APOH: variants seen among roughly 807,000 people sequenced by gnomAD.
The protein encoded by APOH is beta-2-glycoprotein 1.
APOH carries 48 observed loss-of-function variants against 39.8 expected under a neutral mutation model. That is an observed-to-expected ratio of 1.21 (90% CI 0.96 to 1.54). APOH has a LOEUF of 1.54. Ranked by LOEUF, APOH falls within the 40% of genes most tolerant of loss-of-function variation. The pLI is 0.00. For synonymous variants in APOH, 153 were observed against 151.1 expected, an observed-to-expected ratio of 1.01 and a Z score of -0.09; for missense variants, 415 against 421.2, an observed-to-expected ratio of 0.99 and a Z score of 0.13.
At chr17:66,220,376 G>T (rs2073389875) in intron 5 of APOH, among the ~76,000 whole-genome samples, 178 bp downstream of exon 5, 1 of 152,204 alleles carries the variant, frequency 6.6e-6, no homozygotes, top group Non-Finnish European at 1.5e-5. Context: ...TCAGAAGCCA[G>T]GTCTCATTCA....
chr17:66,219,198 T>A (rs1312160242), intron 5 of APOH, among the ~76,000 whole-genome samples: 1 of 152,060 alleles, frequency 6.6e-6, no homozygotes, highest in Non-Finnish European at 1.5e-5. Context: ...ATTAGAATGG[T>A]TTGGATTATT....
intron 3 of APOH, among the ~76,000 whole-genome samples, chr17:66,225,816 G>A (rs1002706184): frequency 7.9e-5 from 12 of 151,774 alleles, no homozygotes; most frequent in South Asian, 6.2e-4. Flanking sequence ...GGTGGAGCTT[G>A]CAGTGAGCCG....
chr17:66,226,094 T>C lies in APOH; in HGVS notation c.272A>G (p.Glu91Gly), dbSNP rs12544. ...AGTCGTATAGCGTACGGCTCCATTT[T>C]CTAAGATTCCAGCAAAAGGACATAC... ...PRVCPFAGILENGAVRYTTFE... is the reference protein window; with the variant it reads ...PRVCPFAGILGNGAVRYTTFE... Residue 91 changes from glutamate (E) to glycine (G), a missense_variant, in exon 3 of 8, where the codon GAA (glutamate) becomes GGA (glycine). Glu to Gly is a moderately conservative substitution (Grantham distance 98). Around this residue, in one of 3 missense-constraint regions of APOH, gnomAD observed 288 missense variants for 284.9 expected, o/e 1.01. Transcript: ENST00000205948. The C allele has an allele frequency of 2.1e-4, 338 of 1,613,496 alleles. 3 individuals carry two copies. In the East Asian group the frequency reaches 7.3e-3, roughly 35 times the overall value.
chr17:66,220,737 T>C lies in APOH; in HGVS notation c.421A>G (p.Ile141Val). 1.9e-6 allele frequency: 3 copies of C among 1,604,786 alleles called. No homozygotes were observed. Among genetic ancestry groups the C allele is most frequent in the Non-Finnish European group, 2.6e-6 (3 of 1,172,828 alleles). ...SPELPVCAPI[I>V]CPPPSIPTFA... ...GTAGGTATGGATGGTGGAGGGCAGATGATGGCTGGGAAAATAAAGAACTAT... is the reference window on the plus strand; with the variant it reads ...GTAGGTATGGATGGTGGAGGGCAGACGATGGCTGGGAAAATAAAGAACTAT... Residue 141 changes from isoleucine to valine, a missense_variant, in exon 5 of 8, where the codon ATC (isoleucine) becomes GTC (valine). Physicochemically the swap from Ile to Val is conservative, Grantham distance 29 (BLOSUM62 3). Around this residue, in one of 3 missense-constraint regions of APOH, gnomAD observed 288 missense variants for 284.9 expected, o/e 1.01. Coordinates refer to ENST00000205948, the MANE Select transcript of APOH (RefSeq NM_000042.3).
chr17:66,213,291 G>C lies in APOH; in HGVS notation c.983-1103C>G, dbSNP rs117281137. Reference sequence around the variant, plus strand: ...AACCCTAAATCTGAAACCTTAAAAGGTTAGCAGCTCTAAACGCTGGCCATT... The same window carrying C: ...AACCCTAAATCTGAAACCTTAAAAGCTTAGCAGCTCTAAACGCTGGCCATT... On this transcript the variant is annotated intron_variant, in intron 7 of 7. Transcript: ENST00000205948. Among the ~76,000 whole-genome samples, 14 of 152,342 alleles carry C rather than the reference G, an allele frequency of 9.2e-5. No individual in the cohort carries two copies. The East Asian group carries it at 1.5e-3, about 17-fold the overall frequency.
intron 4 of APOH, 75 bp from the exon 5 acceptor site, chr17:66,220,817 A>G (rs1598551713): frequency 1.4e-6 from 2 of 1,397,332 alleles, no homozygotes; most frequent in Non-Finnish European, 1.9e-6. Context: ...GAAAGAAAAA[A>G]AAAACCCTAA....
At chr17:66,225,808 T>C (rs1235048779) in intron 3 of APOH, among the ~76,000 whole-genome samples, 1 of 148,814 alleles carries the variant, frequency 6.7e-6, no homozygotes, top group African/African-American at 2.5e-5. Flanking sequence ...ACCCAGGAGG[T>C]GGAGCTTGCA....
chr17:66,224,691 GGGAAAGGAAAGGAAA>G (rs71160544), intron 3 of APOH, among the ~76,000 whole-genome samples: 20 of 32,890 alleles, frequency 6.1e-4, no homozygotes, highest in South Asian at 2.3e-3. Flanking sequence ...GGGAAGGGAA[GGGAAAGGAAAGGAAA>G]GGAAAGGAAA....
chr17:66,225,668 T>C (rs1330690326), intron 3 of APOH, among the ~76,000 whole-genome samples: 2 of 152,126 alleles, frequency 1.3e-5, no homozygotes, highest in Admixed American at 6.6e-5. Flanking sequence ...CCACCCTCAA[T>C]GCTACAAGAC....
intron 5 of APOH, among the ~76,000 whole-genome samples, chr17:66,218,800 G>A (rs535703956): frequency 1.3e-5 from 2 of 152,002 alleles, no homozygotes; most frequent in South Asian, 2.1e-4. Flanking sequence ...ATTTTAGTTC[G>A]GGAGTTTGAG....
At chr17:66,216,657 G>A (rs530350493) in intron 6 of APOH, 131 bp downstream of exon 6, 9 of 856,672 alleles carry the variant, frequency 1.1e-5, no homozygotes, top group Middle Eastern at 2.3e-4. Context: ...GAGTCCTGAA[G>A]TCACATGCCA....
At chr17:66,223,483 A>G in intron 4 of APOH, among the ~76,000 whole-genome samples, 1 of 152,198 alleles carries the variant, frequency 6.6e-6, no homozygotes, top group East Asian at 1.9e-4. Flanking sequence ...GAGGTGGAGA[A>G]TACAGAATGT....
intron 5 of APOH, among the ~76,000 whole-genome samples, chr17:66,217,355 C>A (rs919201689): frequency 1.5e-4 from 21 of 137,948 alleles, no homozygotes; most frequent in African/African-American, 4.0e-4. Flanking sequence ...CCCCCCCCCC[C>A]ATTCACACTT....
intron 2 of APOH, 49 bp from the exon 3 acceptor site, chr17:66,226,173 A>AG: frequency 8.0e-7 from 1 of 1,254,648 alleles, no homozygotes; most frequent in Non-Finnish European, 1.1e-6. Flanking sequence ...CTAAAAAAAA[A>AG]CATAAACAGG....
Position 66,227,297 on chromosome 17 carries a change from AACTT to A in APOH, c.241+719_241+722del, listed in dbSNP as rs1239159267. On this transcript the variant is annotated intron_variant, in intron 2 of 7. Coordinates refer to ENST00000205948, the MANE Select transcript of APOH (RefSeq NM_000042.3). ...AAAATCAACTTGCATGAACATGCAT[AACTT>A]TGACAAAGGTCCTGTTCATATAACC... Among the ~76,000 whole-genome samples, 21 of 152,190 alleles carry A rather than the reference AACTT, an allele frequency of 1.4e-4. 1 individual carries two copies.
chr17:66,216,761 T>C (rs912619121), intron 6 of APOH, 27 bp downstream of exon 6: 1 of 1,538,810 alleles, frequency 6.5e-7, no homozygotes, highest in African/African-American at 1.4e-5. Context: ...TCAGAGATCT[T>C]ACAGGACCTC....
intron 4 of APOH, among the ~76,000 whole-genome samples, chr17:66,221,847 C>T (rs1005876819): frequency 6.6e-6 from 1 of 152,102 alleles, no homozygotes. Flanking sequence ...GACCAAAATG[C>T]GATTTACCTT....
chr17:66,221,531 T>C (rs2073402960), intron 4 of APOH, among the ~76,000 whole-genome samples: 2 of 152,170 alleles, frequency 1.3e-5, no homozygotes, highest in African/African-American at 4.8e-5. Context: ...TTAGGTTTTA[T>C]AAAATCTTTT....
intron 2 of APOH, among the ~76,000 whole-genome samples, chr17:66,227,013 G>A (rs2073444258): frequency 6.6e-6 from 1 of 151,968 alleles, no homozygotes; most frequent in East Asian, 1.9e-4. Flanking sequence ...CTCCTGAGTA[G>A]CTGGGACTAC....
Sources: gnomAD v4.1 joint callset for allele counts (sites outside exome capture counted in the v4.1 genomes callset) on GRCh38, gnomAD v4.1.1 for gene constraint, gnomAD v4.1.1 regional missense constraint, MANE v1.5 for transcripts, NCBI Gene and HGNC (gene_info 2026-07-23, HGNC 2026-07-21) for gene names.